LRP1B: variants seen among roughly 807,000 people sequenced by gnomAD.
LRP1B encodes LDL receptor related protein 1B.
Under a neutral mutation model 556.6 loss-of-function variants are expected in LRP1B, and 217 were observed. The ratio of observed to expected loss-of-function variants is 0.39; its 90% CI spans 0.35 to 0.44. LRP1B has a LOEUF of 0.44. LRP1B is among the 20% of genes least tolerant of loss of function. LRP1B has a pLI of 1.00. For missense variants in LRP1B, 5,053 were observed against 5,620.8 expected, an observed-to-expected ratio of 0.90 and a Z score of 3.23; for synonymous variants, 2,047 against 1,865.8, an observed-to-expected ratio of 1.10 and a Z score of -2.50.
chr2:140,391,561 T>G (rs1684021464), intron 66 of LRP1B, among the ~76,000 whole-genome samples: 1 of 152,150 alleles, frequency 6.6e-6, no homozygotes, highest in Non-Finnish European at 1.5e-5. Context: ...TGCAAGGAGT[T>G]TTTAAAAACC....
intron 66 of LRP1B, among the ~76,000 whole-genome samples, chr2:140,440,620 G>A (rs1485865118): frequency 6.6e-6 from 1 of 152,068 alleles, no homozygotes; most frequent in African/African-American, 2.4e-5. Flanking sequence ...CAAAAATAAG[G>A]GGTGTGAAAT....
intron 3 of LRP1B, among the ~76,000 whole-genome samples, chr2:141,301,368 AG>A (rs775531722): frequency 6.6e-6 from 1 of 152,174 alleles, no homozygotes; most frequent in Non-Finnish European, 1.5e-5. Flanking sequence ...TTTAAACCTG[AG>A]GGCTATACTC....
intron 8 of LRP1B, among the ~76,000 whole-genome samples, chr2:141,060,584 G>T (rs910923685): frequency 4.3e-4 from 65 of 151,860 alleles, no homozygotes; most frequent in African/African-American, 1.4e-3. Flanking sequence ...GGAACCTGTG[G>T]TGATGGGATA....
Position 140,737,182 on chromosome 2 carries a change from G to T in LRP1B, c.5759-20366C>A, listed in dbSNP as rs188607602. 3.2e-4 allele frequency among the ~76,000 whole-genome samples: 48 copies of T among 152,178 alleles called. 1 individual carries two copies. The highest frequency in any genetic ancestry group is 1.2e-3 in the African/African-American group (48 of 41,528). The stretch of plus-strand genomic sequence containing the variant: ...CCAGAACCCAGCAAATGAAGAAGTA[G>T]CCAAGGCCCTAGGGAGAAGGACCTT... On this transcript the variant is annotated intron_variant, in intron 35 of 90. Coordinates refer to ENST00000389484, the MANE Select transcript of LRP1B (RefSeq NM_018557.3).
chr2:141,962,561 G>T (rs529269951), intron 1 of LRP1B, among the ~76,000 whole-genome samples: 5 of 151,802 alleles, frequency 3.3e-5, no homozygotes, highest in African/African-American at 1.2e-4. Flanking sequence ...AAGAATAAAT[G>T]CTGGTCCCTA....
chr2:141,370,759 A>G (rs1359080498), intron 3 of LRP1B, among the ~76,000 whole-genome samples: 3 of 151,994 alleles, frequency 2.0e-5, no homozygotes, highest in Non-Finnish European at 4.4e-5. Flanking sequence ...GGTTTTTTCT[A>G]ATATGTTTAC....
intron 11 of LRP1B, among the ~76,000 whole-genome samples, chr2:141,036,858 T>TAA (rs556782435): frequency 6.7e-6 from 1 of 150,322 alleles, no homozygotes; most frequent in African/African-American, 2.4e-5. Context: ...ATATTGATAT[T>TAA]AAAAAAAAAG....
At chr2:140,643,690 T>C (rs763344746) in intron 41 of LRP1B, among the ~76,000 whole-genome samples, 1 of 152,184 alleles carries the variant, frequency 6.6e-6, no homozygotes, top group African/African-American at 2.4e-5. Context: ...CCTTGGAGTT[T>C]TATCCCCTCA....
intron 2 of LRP1B, among the ~76,000 whole-genome samples, chr2:141,648,077 G>A (rs537936014): frequency 5.4e-4 from 82 of 151,946 alleles, no homozygotes; most frequent in East Asian, 1.9e-3. Context: ...ATGGTGAGAC[G>A]AATCATGTGA....
At chr2:141,620,747 GT>G (rs967579892) in intron 2 of LRP1B, among the ~76,000 whole-genome samples, 8 of 151,844 alleles carry the variant, frequency 5.3e-5, no homozygotes, top group African/African-American at 1.7e-4. Context: ...CCACTGTTTT[GT>G]TTTTTTCTTT....
At position 141,521,747 on chromosome 2, in the gene LRP1B, T is replaced by C. The variant is rs559678598; in HGVS notation, c.206-41214A>G. Reference sequence around the variant, plus strand: ...TAGTGAAATAAATTAAGAAAATTAATAATATCTTTATTTGTTAGATATTTA... The same window carrying C: ...TAGTGAAATAAATTAAGAAAATTAACAATATCTTTATTTGTTAGATATTTA... On this transcript the variant is annotated intron_variant, in intron 2 of 90. Transcript: ENST00000389484. Among the ~76,000 whole-genome samples the C allele has an allele frequency of 9.9e-5, 15 of 152,202 alleles. No individual in the cohort carries two copies. The South Asian group carries it at 3.1e-3, about 32-fold the overall frequency.
rs138863345 is a variant in LRP1B, at chr2:141,005,372, A to T, written c.2466T>A (p.Asp822Glu). 6.8e-5 allele frequency: 109 copies of T among 1,610,420 alleles called. No individual in the cohort carries two copies. In the African/African-American group the frequency reaches 1.2e-3, roughly 18 times the overall value. The change falls in exon 15 of 91, where the codon GAT (aspartate) becomes GAA (glutamate). Residue 822 changes from aspartate to glutamate, a missense_variant. Asp to Glu is a conservative substitution (Grantham distance 45). Transcript: ENST00000389484. ...TCCCATTTTCATCCAAAAGTTGATT[A>T]TCGGCACAAGCACACACCCGGCCTC... Reference protein sequence around the residue: ...IPGGRVCACADNQLLDENGTT... With the variant: ...IPGGRVCACAENQLLDENGTT...
chr2:141,249,908 G>A (rs1389338794), intron 4 of LRP1B, among the ~76,000 whole-genome samples: 2 of 152,116 alleles, frequency 1.3e-5, no homozygotes, highest in South Asian at 4.1e-4. Flanking sequence ...CCTTAAATGG[G>A]ATAAAATACA....
chr2:140,806,539 C>T (rs1397147032), intron 32 of LRP1B, among the ~76,000 whole-genome samples: 1 of 152,042 alleles, frequency 6.6e-6, no homozygotes, highest in Non-Finnish European at 1.5e-5. Context: ...TAAATTCAAA[C>T]TCATACCCCT....
intron 1 of LRP1B, among the ~76,000 whole-genome samples, chr2:142,103,519 C>T (rs1706639561): frequency 6.6e-5 from 10 of 151,892 alleles, no homozygotes. Context: ...TGAAAGGACA[C>T]ACTTTGAGTT....
At chr2:140,761,593 C>T (rs556442644) in intron 35 of LRP1B, among the ~76,000 whole-genome samples, 1 of 152,196 alleles carries the variant, frequency 6.6e-6, no homozygotes, top group African/African-American at 2.4e-5. Flanking sequence ...TGTGAACTGC[C>T]CTGTAGAAAG....
chr2:140,767,162 G>A (rs187188332), intron 35 of LRP1B, among the ~76,000 whole-genome samples: 2 of 151,538 alleles, frequency 1.3e-5, no homozygotes, highest in African/African-American at 4.8e-5. Flanking sequence ...AACCTTCTTT[G>A]GTTTTAAAGA....
intron 2 of LRP1B, among the ~76,000 whole-genome samples, chr2:141,640,475 C>T (rs1689289569): frequency 1.3e-5 from 2 of 152,034 alleles, no homozygotes; most frequent in African/African-American, 2.4e-5. Flanking sequence ...CCTCTGATAC[C>T]TCAAGTCACT....
chr2:140,534,755 C>A (rs1196457358), intron 46 of LRP1B, among the ~76,000 whole-genome samples: 1 of 152,110 alleles, frequency 6.6e-6, no homozygotes, highest in African/African-American at 2.4e-5. Flanking sequence ...ATAATAGCTG[C>A]CACGTATTAA....
Sources: gnomAD v4.1 joint callset for allele counts (sites outside exome capture counted in the v4.1 genomes callset) on GRCh38, gnomAD v4.1.1 for gene constraint, MANE v1.5 for transcripts, NCBI Gene and HGNC (gene_info 2026-07-23, HGNC 2026-07-21) for gene names.